The following CARS2 variants were observed in gnomAD, a reference collection of about 807,000 sequenced individuals.
CARS2 encodes cysteinyl-tRNA synthetase 2, mitochondrial.
In CARS2, 52 loss-of-function variants were observed where a neutral mutation model predicts 68.8. The observed-to-expected ratio is 0.76, with a 90% confidence interval of 0.61 to 0.95. CARS2 has a LOEUF of 0.95. Ranked by LOEUF, CARS2 falls within the 40% of genes least tolerant of loss-of-function variation. The pLI, the probability that CARS2 is intolerant of heterozygous loss-of-function variation, is 0.00. For missense variants in CARS2, 780 were observed against 754.2 expected, an observed-to-expected ratio of 1.03 and a Z score of -0.40; for synonymous variants, 314 against 303.6, an observed-to-expected ratio of 1.03 and a Z score of -0.36.
rs1015514835 is a variant in CARS2 at position 110,693,465 on chromosome 13, T to C, written c.394-5447A>G. On this transcript the variant is annotated intron_variant, in intron 3 of 14. Transcript: ENST00000257347. ...AGCTCTGCCACCCAGGTTCACGCCA[T>C]TCTCCTGCCTCAGCCTCCCGAGTAG... 8.1e-4 allele frequency among the ~76,000 whole-genome samples: 124 copies of C among 152,188 alleles called. 4 individuals carry two copies. The highest frequency in any genetic ancestry group is 3.8e-4 in the Non-Finnish European group (26 of 68,004).
chr13:110,712,603 C>G, intron 1 of CARS2: 1 of 437,346 alleles, frequency 2.3e-6, no homozygotes, highest in Non-Finnish European at 4.3e-6. Flanking sequence ...CTCAGAAAGC[C>G]CAAAATCCGG....
chr13:110,665,352 A>G lies in CARS2; in HGVS notation c.920-1834T>C. 2 of 728,990 alleles carry G rather than the reference A, an allele frequency of 2.7e-6. No individual in the cohort carries two copies. Among genetic ancestry groups the G allele is most frequent in the Non-Finnish European group, 3.4e-6 (2 of 595,700 alleles). The allele number at this position is 728,990 out of a possible 1,614,324, so 45.2% of individuals were successfully genotyped here. ...TCGCAGCTACTAGAACAGCTGAGGCAGGAGAATTGCTTGAACCCAGGAGGC... is the reference window on the plus strand; with the variant it reads ...TCGCAGCTACTAGAACAGCTGAGGCGGGAGAATTGCTTGAACCCAGGAGGC... On this transcript the variant is annotated intron_variant, in intron 8 of 14. Transcript: ENST00000257347. This position sits in a 1 kb window ranked among gnomAD's most constrained non-coding sequence, Gnocchi z 4.3.
intron 9 of CARS2, among the ~76,000 whole-genome samples, chr13:110,655,700 G>A (rs1393664065): frequency 5.9e-5 from 9 of 152,322 alleles, no homozygotes; most frequent in Admixed American, 5.2e-4. Context: ...GTGGTTCTCT[G>A]TCTTGTCTGC....
Position 110,644,435 on chromosome 13 carries a change from A to G in CARS2, c.1366T>C (p.Tyr456His), listed in dbSNP as rs1887817632. ...SPAVFGAIISYFEQFFETVGI... is the reference protein window; with the variant it reads ...SPAVFGAIISHFEQFFETVGI... ...ACAGTTTCAAAAAACTGTTCAAAGTAAGAGATGATGGCACCAAACACAGCA... is the reference window on the plus strand; with the variant it reads ...ACAGTTTCAAAAAACTGTTCAAAGTGAGAGATGATGGCACCAAACACAGCA... The change falls in exon 13 of 15, where the codon TAC becomes CAC. Residue 456 changes from tyrosine to histidine, a missense_variant. By Grantham distance (83) the Tyr-to-His change is moderately conservative (BLOSUM62 2). Coordinates refer to ENST00000257347, the MANE Select transcript of CARS2 (RefSeq NM_024537.4). 1 of 1,613,982 alleles carries G rather than the reference A, an allele frequency of 6.2e-7. No individual in the cohort carries two copies.
intron 9 of CARS2, among the ~76,000 whole-genome samples, chr13:110,660,685 T>C (rs1212632268): frequency 6.6e-6 from 1 of 152,060 alleles, no homozygotes; most frequent in African/African-American, 2.4e-5. Context: ...CAGTAAACCA[T>C]GCTGTAAATG....
chr13:110,704,884 T>C (rs1392111884), intron 2 of CARS2, among the ~76,000 whole-genome samples: 1 of 152,202 alleles, frequency 6.6e-6, no homozygotes, highest in East Asian at 1.9e-4. Context: ...AGTGGTAATT[T>C]TGGCAAATGT....
In CARS2 at chr13:110,705,988, C is replaced by G; in HGVS notation, c.106G>C (p.Gly36Arg). The G allele has an allele frequency of 6.6e-7, 1 of 1,504,260 alleles. No homozygotes were observed. The highest frequency in any genetic ancestry group is 8.8e-7 in the Non-Finnish European group (1 of 1,130,982). 93.2% of individuals were successfully genotyped at this position (1,504,260 alleles called of 1,614,324 possible). A position where few individuals can be genotyped will look rare whatever the true frequency, so the allele number is the denominator to read the frequency against. Reference sequence around the variant, plus strand: ...TGCAGCCAGGCCCGCCCGCGCCCCCCGCTCGCCGCCCGGCCCGCAGGCCAG... The same window carrying G: ...TGCAGCCAGGCCCGCCCGCGCCCCCGGCTCGCCGCCCGGCCCGCAGGCCAG... The part of the protein sequence containing the change: ...WHWPAGRAAS[G>R]GRGRAWLQPT... Residue 36 changes from glycine to arginine, a missense_variant, in exon 1 of 15, where the codon GGG becomes CGG. Transcript: ENST00000257347. The surrounding 1 kb of genome is among the most constrained non-coding windows in gnomAD (Gnocchi z 4.0).
intron 3 of CARS2, among the ~76,000 whole-genome samples, chr13:110,696,131 A>G (rs1401796608): frequency 6.6e-6 from 1 of 152,230 alleles, no homozygotes; most frequent in African/African-American, 2.4e-5. Flanking sequence ...ATGGCTGCAC[A>G]GTATTCCATG....
chr13:110,706,130 A>G (rs1156605482), upstream of CARS2: 1 of 1,269,038 alleles, frequency 7.9e-7, no homozygotes, highest in Non-Finnish European at 9.9e-7. Context: ...CGGAGACGGG[A>G]GCCACGCCGG....
At chr13:110,654,746 C>T (rs552686043) in intron 9 of CARS2, among the ~76,000 whole-genome samples, 44 of 151,356 alleles carry the variant, frequency 2.9e-4, no homozygotes, top group Non-Finnish European at 4.4e-4. Flanking sequence ...AGTGAGACTT[C>T]GTCTCTAGAA....
chr13:110,647,025 C>T (rs556489618), intron 11 of CARS2, 76 bp downstream of exon 11: 1 of 1,461,888 alleles, frequency 6.8e-7, no homozygotes, highest in East Asian at 2.5e-5. Context: ...GCCCCTCTTC[C>T]CCTTCAAGAG....
chr13:110,696,979 CG>C (rs2063641616), intron 3 of CARS2, among the ~76,000 whole-genome samples: 1 of 152,178 alleles, frequency 6.6e-6, no homozygotes, highest in Admixed American at 6.5e-5. Flanking sequence ...CCATCCCCTG[CG>C]GGGCCCTTTC....
chr13:110,713,097 T>C, intron 1 of CARS2: 3 of 1,439,378 alleles, frequency 2.1e-6, no homozygotes, highest in Non-Finnish European at 2.7e-6. Context: ...CCCGGAGGAC[T>C]TGGGTTTCTA....
At chr13:110,688,722 C>G (rs1372695891) in intron 3 of CARS2, 1 of 152,368 alleles carries the variant, frequency 6.6e-6, no homozygotes, top group Non-Finnish European at 1.5e-5. Context: ...CCAGCCTGGC[C>G]AACACGGTGA....
In CARS2 at chr13:110,676,431, G is replaced by A. The variant is rs543403665; in HGVS notation, c.785+543C>T. On this transcript the variant is annotated intron_variant, in intron 7 of 14. Coordinates refer to ENST00000257347, the MANE Select transcript of CARS2 (RefSeq NM_024537.4). This position sits in a 1 kb window ranked among gnomAD's most constrained non-coding sequence, Gnocchi z 4.0. Reference sequence around the variant, plus strand: ...GGAGAGCAGTGTCGTGTGACTGAGTGGGGGCGGCAGGCAGCTGCGGTCCCA... The same window carrying A: ...GGAGAGCAGTGTCGTGTGACTGAGTAGGGGCGGCAGGCAGCTGCGGTCCCA... Among the ~76,000 whole-genome samples the A allele has an allele frequency of 6.6e-6, 1 of 152,208 alleles. No homozygotes were observed. The highest frequency in any genetic ancestry group is 2.4e-5 in the African/African-American group (1 of 41,466).
At position 110,665,012 on chromosome 13, in the gene CARS2, G is replaced by T. The variant is rs879694079; in HGVS notation, c.920-1494C>A. 13 of 985,398 alleles carry T rather than the reference G, an allele frequency of 1.3e-5. No individual in the cohort carries two copies. Among genetic ancestry groups the T allele is most frequent in the Non-Finnish European group, 1.6e-5 (13 of 829,898 alleles). 61.0% of individuals were successfully genotyped at this position (985,398 alleles called of 1,614,324 possible). On this transcript the variant is annotated intron_variant, in intron 8 of 14. Transcript: ENST00000257347. The surrounding 1 kb of genome is among the most constrained non-coding windows in gnomAD (Gnocchi z 4.3). The stretch of plus-strand genomic sequence containing the variant: ...GGCTGGGATAGTGTCTGCCCACTTA[G>T]CTCTTCCATCCACTGGGTACAGGAG...
chr13:110,663,383 C>G, intron 9 of CARS2, 68 bp downstream of exon 9: 1 of 1,496,504 alleles, frequency 6.7e-7, no homozygotes, highest in Admixed American at 2.0e-5. Flanking sequence ...TCAAATGACA[C>G]AGAAGCCTTT....
At position 110,644,380 on chromosome 13, in the gene CARS2, C is replaced by T. The variant is rs751078446; in HGVS notation, c.1416+5G>A. ...GAATTAAGCATTTAAAATAATAGGACCTACCTGTTGATTTGCCAGAGAAAT... is the reference window on the plus strand; with the variant it reads ...GAATTAAGCATTTAAAATAATAGGATCTACCTGTTGATTTGCCAGAGAAAT... On this transcript the variant is annotated splice_donor_5th_base_variant and intron_variant, in intron 13 of 14. Coordinates refer to ENST00000257347, the MANE Select transcript of CARS2 (RefSeq NM_024537.4). 69 of 1,611,714 alleles carry T rather than the reference C, an allele frequency of 4.3e-5. No homozygotes were observed. Among genetic ancestry groups the T allele is most frequent in the South Asian group, 1.4e-4 (13 of 91,034 alleles).
chr13:110,708,137 A>G (rs2063998831), upstream of CARS2, among the ~76,000 whole-genome samples: 1 of 127,578 alleles, frequency 7.8e-6, no homozygotes, highest in African/African-American at 2.8e-5. Flanking sequence ...TAAATTCAGA[A>G]AAGGACTTGG....
Sources: gnomAD v4.1 joint callset for allele counts (sites outside exome capture counted in the v4.1 genomes callset) on GRCh38, gnomAD v4.1.1 for gene constraint, Gnocchi (gnomAD v3.1) non-coding constraint, MANE v1.5 for transcripts, NCBI Gene and HGNC (gene_info 2026-07-23, HGNC 2026-07-21) for gene names.